The following RIPOR2 variants were observed in gnomAD, a reference collection of about 807,000 sequenced individuals.
RIPOR2 encodes the protein rho family-interacting cell polarization regulator 2.
Under a neutral mutation model 114.5 loss-of-function variants are expected in RIPOR2, and 39 were observed. That is an observed-to-expected ratio of 0.34 (90% CI 0.26 to 0.44). The LOEUF is 0.44. Ranked by LOEUF, RIPOR2 falls within the 20% of genes least tolerant of loss-of-function variation. The pLI, the probability that RIPOR2 is intolerant of heterozygous loss-of-function variation, is 1.00. For missense variants in RIPOR2, 1,007 were observed against 1,255.1 expected, an observed-to-expected ratio of 0.80 and a Z score of 2.99; for synonymous variants, 445 against 484.4, an observed-to-expected ratio of 0.92 and a Z score of 1.07.
intron 1 of RIPOR2, among the ~76,000 whole-genome samples, chr6:24,949,779 G>T (rs886893710): frequency 6.6e-6 from 1 of 152,254 alleles, no homozygotes; most frequent in Non-Finnish European, 1.5e-5. Flanking sequence ...GTTCACCAGG[G>T]CCTAGCTCCT....
At chr6:25,032,079 C>G (rs1009176943) in intron 1 of RIPOR2, among the ~76,000 whole-genome samples, 2 of 151,560 alleles carry the variant, frequency 1.3e-5, no homozygotes, top group African/African-American at 2.4e-5. Flanking sequence ...TAAAGTTTCC[C>G]TTGGTCCAGA....
intron 1 of RIPOR2, among the ~76,000 whole-genome samples, chr6:25,040,299 A>G (rs1777411077): frequency 6.6e-6 from 1 of 151,916 alleles, no homozygotes; most frequent in Admixed American, 6.6e-5. Flanking sequence ...TATTTTTAGT[A>G]GAGATGGGGT....
rs139341514 is a variant in RIPOR2 at position 24,957,816 on chromosome 6, G to A, written c.77-81999C>T. On this transcript the variant is annotated intron_variant, in intron 1 of 13. Transcript: ENST00000510784. ...AGTGAACCTAGGAGGCAGAGCTTGCGGTGAGCTGAGATCGTGCCACTGCAC... is the reference window on the plus strand; with the variant it reads ...AGTGAACCTAGGAGGCAGAGCTTGCAGTGAGCTGAGATCGTGCCACTGCAC... Among the ~76,000 whole-genome samples the A allele has an allele frequency of 5.9e-5, 9 of 152,260 alleles. No individual in the cohort carries two copies. The East Asian group carries it at 1.2e-3, about 20-fold the overall frequency.
chr6:24,808,967 C>T (rs538423770), intron 21 of RIPOR2, among the ~76,000 whole-genome samples: 168 of 152,030 alleles, frequency 1.1e-3, no homozygotes, highest in African/African-American at 3.9e-3. Context: ...ATCATGTTGG[C>T]CAGGCTGGTC....
chr6:25,030,886 C>G (rs1347013565), intron 1 of RIPOR2: 1 of 151,954 alleles, frequency 6.6e-6, no homozygotes, highest in Non-Finnish European at 1.5e-5. Context: ...TTAGTAGAGG[C>G]GGGGTTTCTC....
At chr6:24,900,067 C>A (rs532294387) in intron 1 of RIPOR2, among the ~76,000 whole-genome samples, 1 of 152,196 alleles carries the variant, frequency 6.6e-6, no homozygotes, top group African/African-American at 2.4e-5. Context: ...CCTCAGCCTA[C>A]GTGGACAGTC....
chr6:24,854,883 C>T (rs563391666), intron 8 of RIPOR2, among the ~76,000 whole-genome samples: 25 of 151,764 alleles, frequency 1.6e-4, no homozygotes, highest in Non-Finnish European at 2.9e-4. Context: ...CAAAATTAGC[C>T]GGGTGTGGTG....
At chr6:24,859,904 G>C (rs1367854607) in intron 8 of RIPOR2, among the ~76,000 whole-genome samples, 1 of 152,174 alleles carries the variant, frequency 6.6e-6, no homozygotes, top group African/African-American at 2.4e-5. Context: ...AGAAACCTCA[G>C]AATTGCATAA....
intron 1 of RIPOR2, among the ~76,000 whole-genome samples, chr6:24,923,417 C>A (rs184733320): frequency 2.2e-4 from 33 of 152,196 alleles, no homozygotes; most frequent in African/African-American, 7.0e-4. Flanking sequence ...CCTGGCAATT[C>A]TATTTTTAAT....
intron 1 of RIPOR2, chr6:24,911,223 A>T (rs1396025989): frequency 6.6e-6 from 1 of 152,186 alleles, no homozygotes; most frequent in Admixed American, 6.6e-5. Context: ...CTTCAGCCCA[A>T]CTCCAGGAGG....
intron 1 of RIPOR2, among the ~76,000 whole-genome samples, chr6:25,040,578 A>G (rs1225575967): frequency 1.4e-5 from 2 of 148,006 alleles, no homozygotes; most frequent in Non-Finnish European, 3.0e-5. Context: ...TCACATAGAA[A>G]TTAGTGTTTC....
chr6:24,853,286 A>C (rs1293665320), intron 8 of RIPOR2, among the ~76,000 whole-genome samples: 3 of 152,244 alleles, frequency 2.0e-5, no homozygotes, highest in Admixed American at 1.3e-4. Flanking sequence ...AGTCATGTCT[A>C]ACTGGATCTG....
chr6:25,010,345 T>C (rs929109954), intron 1 of RIPOR2, among the ~76,000 whole-genome samples: 1 of 152,056 alleles, frequency 6.6e-6, no homozygotes, highest in Admixed American at 6.5e-5. Flanking sequence ...TGTCACCCCA[T>C]GAGCTCTACA....
chr6:24,953,760 C>T (rs1307220387), intron 1 of RIPOR2, among the ~76,000 whole-genome samples: 1 of 152,182 alleles, frequency 6.6e-6, no homozygotes, highest in Non-Finnish European at 1.5e-5. Flanking sequence ...AAAACATTCC[C>T]CCAGTTTATG....
chr6:24,875,601 C>T (rs1229836635), intron 2 of RIPOR2, 90 bp downstream of exon 2: 6 of 1,320,104 alleles, frequency 4.5e-6, no homozygotes, highest in Middle Eastern at 5.2e-4. Flanking sequence ...GGCGGTTTGA[C>T]AAGGCTGAAT....
At chr6:25,021,743 C>T (rs1776332069) in intron 1 of RIPOR2, among the ~76,000 whole-genome samples, 1 of 152,156 alleles carries the variant, frequency 6.6e-6, no homozygotes, top group South Asian at 2.1e-4. Flanking sequence ...AAAGAACTTA[C>T]TTATGTAACT....
chr6:24,936,423 T>TTTTTC (rs548137673), upstream of RIPOR2, among the ~76,000 whole-genome samples: 15 of 152,328 alleles, frequency 9.8e-5, no homozygotes, highest in African/African-American at 2.6e-4. Context: ...AATAGTTGCA[T>TTTTTC]TTTTCTTTTC....
intron 20 of RIPOR2, among the ~76,000 whole-genome samples, chr6:24,810,700 G>C (rs777127402): frequency 6.6e-6 from 1 of 152,030 alleles, no homozygotes; most frequent in Non-Finnish European, 1.5e-5. Flanking sequence ...TATATCACTG[G>C]ATATCAGGAA....
At chr6:24,917,688 C>A (rs1163545173) in intron 1 of RIPOR2, among the ~76,000 whole-genome samples, 2 of 152,154 alleles carry the variant, frequency 1.3e-5, no homozygotes, top group Admixed American at 1.3e-4. Flanking sequence ...TACCACCAGG[C>A]CTGGCTAATG....
Sources: allele counts gnomAD v4.1 joint callset (sites outside exome capture counted in the v4.1 genomes callset), GRCh38; gene constraint gnomAD v4.1.1; transcripts MANE v1.5; gene names NCBI Gene and HGNC (gene_info 2026-07-23, HGNC 2026-07-21).